Variants in ZNF100 observed in about 807,000 individuals in gnomAD.
The protein encoded by ZNF100 is zinc finger protein 100 (Y1).
Under a neutral mutation model 15.8 loss-of-function variants are expected in ZNF100, and 12 were observed. The ratio of observed to expected loss-of-function variants is 0.76; its 90% CI spans 0.49 to 1.23. The LOEUF is 1.23. Ranked by LOEUF, ZNF100 falls within the 50% of genes most tolerant of loss-of-function variation. The pLI is 0.00. For synonymous variants in ZNF100, 226 were observed against 214.8 expected (o/e 1.05, Z -0.45); for missense variants, 670 against 635.6 (o/e 1.05, Z -0.58).
rs2036184352 is a variant in ZNF100, at chr19:21,744,936, C to A, written c.223+5G>T. 5.6e-6 allele frequency: 9 copies of A among 1,597,680 alleles called. No individual in the cohort carries two copies. Among genetic ancestry groups the A allele is most frequent in the African/African-American group, 1.4e-5 (1 of 73,938 alleles). On this transcript the variant is annotated splice_donor_5th_base_variant and intron_variant, in intron 3 of 4. Transcript: ENST00000358296. ...TTAGAAATTGTGTATTAAAGTTATTCTCACCCAAGAAGACCAGGTTTCTGT... is the reference window on the plus strand; with the variant it reads ...TTAGAAATTGTGTATTAAAGTTATTATCACCCAAGAAGACCAGGTTTCTGT...
At position 21,765,711 on chromosome 19, in the gene ZNF100, G is replaced by A. The variant is rs569230674; in HGVS notation, c.79C>T (p.Gln27Ter). ...GGGGTTACCTTTTCAAAATAAGACT[G>A]CACCAGAAGACTCCTCTCAGCCCCA... ...CPGAERSLLV[Q>*]SYFEKGPLTF... Residue 27 changes from glutamine (Q) to a stop codon, truncating the protein, a stop_gained, in exon 2 of 5, where the codon CAG (glutamine) becomes TAG (stop). Coordinates refer to ENST00000358296, the MANE Select transcript of ZNF100 (RefSeq NM_173531.4). LOFTEE classifies it high-confidence loss of function. 569 of 1,613,740 alleles carry A rather than the reference G, an allele frequency of 3.5e-4. 4 individuals carry two copies. Among genetic ancestry groups the A allele is most frequent in the South Asian group, 2.0e-3 (179 of 91,012 alleles).
At chr19:21,756,177 G>A (rs1301663921) in intron 2 of ZNF100, among the ~76,000 whole-genome samples, 3 of 152,092 alleles carry the variant, frequency 2.0e-5, no homozygotes, top group Admixed American at 2.0e-4. Context: ...TATCCTTCAT[G>A]TTTAAAACCC....
chr19:21,727,292 A>C lies in ZNF100; in HGVS notation c.1020T>G (p.Thr340=). 1.9e-6 allele frequency: 3 copies of C among 1,613,268 alleles called. No homozygotes were observed. The highest frequency in any genetic ancestry group is 2.5e-6 in the Non-Finnish European group (3 of 1,179,710). ...SHLTTHRIIH[T]GEKPYKCEEC... ...CTTCACATTTGTAGGGTTTCTCTCCAGTATGAATTATCCTGTGTGTAGTAA... is the reference window on the plus strand; with the variant it reads ...CTTCACATTTGTAGGGTTTCTCTCCCGTATGAATTATCCTGTGTGTAGTAA... Residue 340 remains threonine, a synonymous_variant, in exon 5 of 5, where the codon ACT becomes ACG. Transcript: ENST00000358296.
chr19:21,738,780 C>A (rs565638197), intron 4 of ZNF100, among the ~76,000 whole-genome samples: 134 of 152,124 alleles, frequency 8.8e-4, no homozygotes, highest in East Asian at 7.0e-3. Flanking sequence ...CCCATCTCTA[C>A]TAAAAAACTA....
chr19:21,733,510 TAAAAC>T (rs1253689077), intron 4 of ZNF100, among the ~76,000 whole-genome samples: 4 of 150,324 alleles, frequency 2.7e-5, no homozygotes, highest in Middle Eastern at 3.2e-3. Context: ...ACAACAAAAT[TAAAAC>T]AAACAAAAAT....
chr19:21,737,457 C>G (rs1464030257), intron 4 of ZNF100, among the ~76,000 whole-genome samples: 2 of 151,612 alleles, frequency 1.3e-5, no homozygotes, highest in Non-Finnish European at 2.9e-5. Context: ...ATTACTTGAA[C>G]CCAGGAGGCG....
At chr19:21,766,828 C>T (rs1292688768) in intron 1 of ZNF100, among the ~76,000 whole-genome samples, 2 of 151,906 alleles carry the variant, frequency 1.3e-5, no homozygotes, top group East Asian at 3.9e-4. Flanking sequence ...CCCGTCCCAA[C>T]TAAAAATACA....
intron 1 of ZNF100, among the ~76,000 whole-genome samples, 187 bp downstream of exon 1, chr19:21,767,240 G>A (rs1439963831): frequency 6.6e-5 from 10 of 152,194 alleles, no homozygotes; most frequent in Non-Finnish European, 1.3e-4. Context: ...GGAAGAGAAA[G>A]GACGCCTGGG....
Position 21,726,658 on chromosome 19 carries a change from C to G in ZNF100, c.*25G>C. 1 of 1,585,120 alleles carries G rather than the reference C, an allele frequency of 6.3e-7. No individual in the cohort carries two copies. The highest frequency in any genetic ancestry group is 8.6e-7 in the Non-Finnish European group (1 of 1,166,896). On this transcript the variant is annotated 3_prime_UTR_variant, in exon 5 of 5. Transcript: ENST00000358296. ...TTTTATGTTTAGTAAGAGTTGAGGA[C>G]TGGTAAAAGGCTTTGCCACATTTTT...
intron 4 of ZNF100, among the ~76,000 whole-genome samples, chr19:21,739,475 GAGTCAAGC>G (rs2036070101): frequency 1.6e-5 from 1 of 62,078 alleles, no homozygotes; most frequent in South Asian, 3.4e-4. Context: ...AAGATCACTT[GAGTCAAGC>G]AGGCTGAGGT....
chr19:21,752,265 C>T (rs2036320278), intron 2 of ZNF100: 1 of 152,666 alleles, frequency 6.6e-6, no homozygotes, highest in African/African-American at 2.4e-5. Flanking sequence ...ACTTTAAAGA[C>T]ATTAACCATA....
intron 4 of ZNF100, among the ~76,000 whole-genome samples, chr19:21,733,605 G>C (rs113493249): frequency 1.3e-5 from 2 of 152,278 alleles, no homozygotes; most frequent in African/African-American, 4.8e-5. Flanking sequence ...GATTTCTGCA[G>C]ATCAGCAGAC....
rs144946577 is a variant in ZNF100 at position 21,755,592 on chromosome 19, A to G, written c.96+10102T>C. On this transcript the variant is annotated intron_variant, in intron 2 of 4. Coordinates refer to ENST00000358296, the MANE Select transcript of ZNF100 (RefSeq NM_173531.4). ...CAATCCCATTACTGGGTATATACCC[A>G]AAGGAATATAAACCATTCTACTATA... Among the ~76,000 whole-genome samples, 1,476 of 152,330 alleles carry G rather than the reference A, an allele frequency of 9.7e-3. 9 individuals are homozygous for G. The highest frequency in any genetic ancestry group is 0.016 in the Non-Finnish European group (1,111 of 68,034).
Position 21,767,344 on chromosome 19 carries a change from C to T in ZNF100, c.3+83G>A, listed in dbSNP as rs1477706921. 7.5e-6 allele frequency: 12 copies of T among 1,606,966 alleles called. No homozygotes were observed. In the East Asian group the frequency reaches 2.7e-4, roughly 36 times the overall value. ...GATTGTGAAGCTGACTGCGGAGAGG[C>T]CTGAGTCCCGCCACAGCTACTTCCC... On this transcript the variant is annotated intron_variant, in intron 1 of 4. Coordinates refer to ENST00000358296, the MANE Select transcript of ZNF100 (RefSeq NM_173531.4).
intron 1 of ZNF100, among the ~76,000 whole-genome samples, 183 bp from the exon 2 acceptor site, chr19:21,765,969 T>C (rs1211466260): frequency 1.3e-5 from 2 of 152,038 alleles, no homozygotes; most frequent in Non-Finnish European, 2.9e-5. Flanking sequence ...CCAAAAACAT[T>C]CTGATAAATC....
At position 21,726,364 on chromosome 19, in the gene ZNF100, AG is replaced by A. The variant is rs1444114867; in HGVS notation, c.*318del. 1 of 288,156 alleles carries A rather than the reference AG, an allele frequency of 3.5e-6. No individual in the cohort carries two copies. Among genetic ancestry groups the A allele is most frequent in the Non-Finnish European group, 6.4e-6 (1 of 155,274 alleles). The allele number at this position is 288,156 out of a possible 1,614,324, so 17.8% of individuals were successfully genotyped here. On this transcript the variant is annotated 3_prime_UTR_variant, in exon 5 of 5. Coordinates refer to ENST00000358296, the MANE Select transcript of ZNF100 (RefSeq NM_173531.4). Reference sequence around the variant, plus strand: ...GTTTTGTCACACTGTTCACACATGTAGAAGTTTTCTCCAGTATAACTTACCT... The same window carrying A: ...GTTTTGTCACACTGTTCACACATGTAAAGTTTTCTCCAGTATAACTTACCT...
chr19:21,761,379 T>C lies in ZNF100; in HGVS notation c.96+4315A>G, dbSNP rs1258083849. Among the ~76,000 whole-genome samples, 4 of 152,204 alleles carry C rather than the reference T, an allele frequency of 2.6e-5. No homozygotes were observed. In the East Asian group the frequency reaches 7.7e-4, roughly 29 times the overall value. On this transcript the variant is annotated intron_variant, in intron 2 of 4. Transcript: ENST00000358296. ...GTTTTCTTTTACAACAGGACACAAT[T>C]AGAGAAACTTGTTATTTTACCAAGG...
chr19:21,743,161 G>A (rs1456050815), intron 4 of ZNF100: 3 of 152,222 alleles, frequency 2.0e-5, no homozygotes, highest in Non-Finnish European at 4.4e-5. Context: ...CCAGGAGGTG[G>A]AGGTTGCAGT....
intron 2 of ZNF100, among the ~76,000 whole-genome samples, chr19:21,753,899 A>T (rs1278018218): frequency 6.6e-6 from 1 of 152,206 alleles, no homozygotes; most frequent in Middle Eastern, 3.2e-3. Flanking sequence ...TGTCCCATTA[A>T]GTCCTGCTAT....
Sources: gnomAD v4.1 joint callset for allele counts (sites outside exome capture counted in the v4.1 genomes callset) on GRCh38, gnomAD v4.1.1 for gene constraint, MANE v1.5 for transcripts, NCBI Gene and HGNC (gene_info 2026-07-23, HGNC 2026-07-21) for gene names.